ZDHHC11: variants seen among roughly 807,000 people sequenced by gnomAD.
ZDHHC11 encodes palmitoyltransferase ZDHHC11.
Under a neutral mutation model 51.3 loss-of-function variants are expected in ZDHHC11, and 44 were observed. That is an observed-to-expected ratio of 0.86 (90% CI 0.67 to 1.10). ZDHHC11 has a LOEUF of 1.10. Ranked by LOEUF, ZDHHC11 falls within the 50% of genes least tolerant of loss-of-function variation. ZDHHC11 has a pLI of 0.00. For synonymous variants in ZDHHC11, 163 were observed against 222.0 expected, an observed-to-expected ratio of 0.73 and a Z score of 2.36; for missense variants, 400 against 537.7, an observed-to-expected ratio of 0.74 and a Z score of 2.53.
intron 11 of ZDHHC11, among the ~76,000 whole-genome samples, chr5:802,586 A>C (rs1738590089): frequency 6.6e-6 from 1 of 150,520 alleles, no homozygotes; most frequent in South Asian, 2.1e-4. Flanking sequence ...TGGTCCTTCC[A>C]CTGAAACAAC....
intron 9 of ZDHHC11, 142 bp from the exon 10 acceptor site, chr5:819,754 G>T (rs555909453): frequency 2.6e-6 from 2 of 783,898 alleles, no homozygotes; most frequent in Non-Finnish European, 4.2e-6. Flanking sequence ...CAGCTCCCGG[G>T]AGGTTGTGTG....
intron 10 of ZDHHC11, chr5:816,952 A>T (rs1387492099): frequency 3.1e-6 from 1 of 320,644 alleles, no homozygotes; most frequent in Non-Finnish European, 6.4e-6. Flanking sequence ...CATGAGCCTG[A>T]AATGTCCAGG....
chr5:805,046 T>C (rs973038843), intron 11 of ZDHHC11, among the ~76,000 whole-genome samples: 5 of 151,398 alleles, frequency 3.3e-5, no homozygotes, highest in Non-Finnish European at 5.9e-5. Context: ...TTATAAATAT[T>C]GTTAATGGGT....
intron 1 of ZDHHC11, 22 bp downstream of exon 1, chr5:850,359 C>T: frequency 1.9e-6 from 3 of 1,611,886 alleles, no homozygotes; most frequent in East Asian, 2.2e-5. Flanking sequence ...CCGCTTAGAC[C>T]ATGCCACGAT....
intron 7 of ZDHHC11, among the ~76,000 whole-genome samples, chr5:828,347 C>G (rs1300908578): frequency 1.3e-5 from 2 of 151,030 alleles, no homozygotes; most frequent in Non-Finnish European, 3.0e-5. Flanking sequence ...CCAGATGCGG[C>G]AGCTGGCCGG....
intron 12 of ZDHHC11, among the ~76,000 whole-genome samples, chr5:800,758 G>A (rs1257668337): frequency 3.3e-5 from 5 of 151,438 alleles, no homozygotes; most frequent in Non-Finnish European, 7.4e-5. Flanking sequence ...TAAAATGGCA[G>A]GTGTTCATTA....
chr5:824,300 A>G (rs1441235490), intron 8 of ZDHHC11, among the ~76,000 whole-genome samples: 1 of 151,378 alleles, frequency 6.6e-6, no homozygotes, highest in East Asian at 1.9e-4. Flanking sequence ...CTCTTAAGAA[A>G]TAAAAAATAA....
intron 11 of ZDHHC11, among the ~76,000 whole-genome samples, chr5:810,765 G>C (rs540542244): frequency 2.2e-3 from 333 of 151,454 alleles, no homozygotes; most frequent in African/African-American, 7.7e-3. Context: ...AACTCGTGTG[G>C]TGTTGGTATA....
upstream of ZDHHC11, among the ~76,000 whole-genome samples, chr5:859,679 A>C (rs1748688795): frequency 1.3e-5 from 2 of 152,138 alleles, no homozygotes; most frequent in African/African-American, 4.8e-5. Context: ...CCATCCTCTG[A>C]GCTCAGGAAT....
chr5:814,579 CAAGT>C (rs951072260), intron 11 of ZDHHC11, among the ~76,000 whole-genome samples, 178 bp downstream of exon 11: 3 of 151,486 alleles, frequency 2.0e-5, no homozygotes, highest in Non-Finnish European at 3.0e-5. Context: ...ATAATTTTTT[CAAGT>C]AAGATGAGTG....
chr5:834,423 C>G (rs1240317045), intron 6 of ZDHHC11, among the ~76,000 whole-genome samples: 1 of 152,288 alleles, frequency 6.6e-6, no homozygotes, highest in Non-Finnish European at 1.5e-5. Context: ...AATCCTCTTG[C>G]TTGGCCTCCC....
intron 4 of ZDHHC11, chr5:842,175 A>G: frequency 1.0e-6 from 1 of 986,180 alleles, no homozygotes; most frequent in Non-Finnish European, 1.2e-6. Context: ...TGGAAGCAGC[A>G]TGTTCCAGGA....
At chr5:859,095 T>C (rs1748654796), upstream of ZDHHC11, among the ~76,000 whole-genome samples, 2 of 151,958 alleles carry the variant, frequency 1.3e-5, no homozygotes, top group African/African-American at 4.8e-5. Flanking sequence ...AAGCGTGAGA[T>C]GGACTCGGGT....
chr5:859,842 G>T (rs1377648846), upstream of ZDHHC11, among the ~76,000 whole-genome samples: 1 of 151,338 alleles, frequency 6.6e-6, no homozygotes, highest in African/African-American at 2.5e-5. Flanking sequence ...TCCAGTTCGT[G>T]TCGGTTGGGG....
intron 1 of ZDHHC11, among the ~76,000 whole-genome samples, chr5:858,501 T>G (rs1385682482): frequency 6.6e-6 from 1 of 152,170 alleles, no homozygotes; most frequent in Non-Finnish European, 1.5e-5. Flanking sequence ...TCTTCATCCC[T>G]GTCCTTCCTT....
intron 11 of ZDHHC11, among the ~76,000 whole-genome samples, chr5:807,081 A>T (rs374253954): frequency 6.6e-6 from 1 of 150,824 alleles, no homozygotes; most frequent in East Asian, 1.9e-4. Flanking sequence ...TCCATGCCCA[A>T]CCATAGCAGA....
intron 11 of ZDHHC11, among the ~76,000 whole-genome samples, chr5:805,839 A>G (rs913324352): frequency 2.6e-5 from 4 of 151,210 alleles, no homozygotes; most frequent in Admixed American, 2.0e-4. Flanking sequence ...AGTAATAGAG[A>G]AGCTCCCGGG....
At position 850,880 on chromosome 5, in the gene ZDHHC11, A is replaced by C; in HGVS notation, c.-278T>G. On this transcript the variant is annotated 5_prime_UTR_variant, in exon 1 of 13. Coordinates refer to ENST00000283441, the MANE Select transcript of ZDHHC11 (RefSeq NM_024786.3). ...CGGAAAACGGCTCTCCAGGGTGTGG[A>C]GGACCCAGTGCCCGCGCGACCGCCC... 2 of 504,246 alleles carry C rather than the reference A, an allele frequency of 4.0e-6. No homozygotes were observed. The highest frequency in any genetic ancestry group is 4.9e-5 in the South Asian group (2 of 40,680). The allele number at this position is 504,246 out of a possible 1,614,324, so 31.2% of individuals were successfully genotyped here.
intron 11 of ZDHHC11, among the ~76,000 whole-genome samples, chr5:805,837 AGAAG>A (rs1473188546): frequency 6.6e-6 from 1 of 151,348 alleles, no homozygotes; most frequent in African/African-American, 2.4e-5. Context: ...TGAGTAATAG[AGAAG>A]CTCCCGGGCC....
Sources: allele counts gnomAD v4.1 joint callset (sites outside exome capture counted in the v4.1 genomes callset), GRCh38; gene constraint gnomAD v4.1.1; transcripts MANE v1.5; gene names NCBI Gene and HGNC (gene_info 2026-07-23, HGNC 2026-07-21).